Variants in NUMB observed in about 807,000 individuals in gnomAD.
NUMB encodes NUMB endocytic adaptor protein.
In NUMB, 29 loss-of-function variants were observed where a neutral mutation model predicts 59.7. That is an observed-to-expected ratio of 0.49 (90% CI 0.36 to 0.66). NUMB has a LOEUF of 0.66. Among genes scored for constraint, NUMB ranks in the 30% least tolerant of loss-of-function variants. The pLI, the probability that NUMB is intolerant of heterozygous loss-of-function variation, is 0.00. For synonymous variants in NUMB, 288 were observed against 288.2 expected, an observed-to-expected ratio of 1.00 and a Z score of 0.01; for missense variants, 723 against 822.0, an observed-to-expected ratio of 0.88 and a Z score of 1.47.
chr14:73,307,245 C>A (rs1890492055), intron 6 of NUMB, among the ~76,000 whole-genome samples: 1 of 151,074 alleles, frequency 6.6e-6, no homozygotes, highest in South Asian at 2.1e-4. Flanking sequence ...GGAGGCGGAG[C>A]TTGCAGTGAG....
At chr14:73,278,058 A>AAC (rs1490598263) in intron 12 of NUMB, among the ~76,000 whole-genome samples, 26 of 150,570 alleles carry the variant, frequency 1.7e-4, no homozygotes, top group Admixed American at 4.6e-4. Context: ...AAAAAAAAAA[A>AAC]AAAAAAAAAA....
At chr14:73,356,944 C>T (rs971300673) in intron 3 of NUMB, 6 of 381,110 alleles carry the variant, frequency 1.6e-5, no homozygotes, top group African/African-American at 4.4e-5. Context: ...GCAATCCTCC[C>T]GCCTTGGCCT....
chr14:73,325,230 A>T (rs1891599806), intron 4 of NUMB, among the ~76,000 whole-genome samples: 1 of 152,104 alleles, frequency 6.6e-6, no homozygotes, highest in African/African-American at 2.4e-5. Flanking sequence ...CACTTTGGGA[A>T]GCCAAGGTAA....
At chr14:73,338,315 GTTAAC>G (rs1008831417) in intron 4 of NUMB, among the ~76,000 whole-genome samples, 11 of 151,744 alleles carry the variant, frequency 7.2e-5, no homozygotes, top group Non-Finnish European at 1.0e-4. Context: ...AAAAAAAAAA[GTTAAC>G]TTATCGTTCT....
chr14:73,436,116 C>T (rs988972819), intron 1 of NUMB, among the ~76,000 whole-genome samples: 6 of 151,970 alleles, frequency 3.9e-5, no homozygotes, highest in African/African-American at 7.3e-5. Flanking sequence ...CTGTTGTCTA[C>T]AATAATGATG....
At chr14:73,321,529 T>C (rs1891405504) in intron 5 of NUMB, among the ~76,000 whole-genome samples, 1 of 152,204 alleles carries the variant, frequency 6.6e-6, no homozygotes, top group Non-Finnish European at 1.5e-5. Context: ...ATTATTATTC[T>C]AGATAAACCC....
intron 5 of NUMB, among the ~76,000 whole-genome samples, chr14:73,318,320 TAA>T (rs1221646626): frequency 6.6e-6 from 1 of 152,222 alleles, no homozygotes; most frequent in Non-Finnish European, 1.5e-5. Context: ...GCAAAATGCA[TAA>T]AAAGACAGTT....
chr14:73,340,280 G>T (rs1160469495), intron 4 of NUMB, among the ~76,000 whole-genome samples: 1 of 152,168 alleles, frequency 6.6e-6, no homozygotes, highest in Non-Finnish European at 1.5e-5. Flanking sequence ...CAGTAGCCCA[G>T]TGACCTCATG....
At chr14:73,332,124 T>C (rs1048557686) in intron 4 of NUMB, among the ~76,000 whole-genome samples, 5 of 152,202 alleles carry the variant, frequency 3.3e-5, no homozygotes, top group Non-Finnish European at 7.3e-5. Context: ...CTCTATTTCA[T>C]GGATTGTAAA....
chr14:73,374,632 T>C (rs780697022), intron 2 of NUMB, among the ~76,000 whole-genome samples: 1 of 152,050 alleles, frequency 6.6e-6, no homozygotes, highest in Non-Finnish European at 1.5e-5. Context: ...CTAATTATTA[T>C]AGTGGGAGAT....
chr14:73,398,935 A>T (rs1415677962), intron 2 of NUMB, among the ~76,000 whole-genome samples: 1 of 152,208 alleles, frequency 6.6e-6, no homozygotes, highest in African/African-American at 2.4e-5. Flanking sequence ...ATGCATAAGG[A>T]TGTACACAGC....
At chr14:73,445,381 A>ACAAAAAAC (rs1566800966) in intron 1 of NUMB, among the ~76,000 whole-genome samples, 5 of 129,848 alleles carry the variant, frequency 3.9e-5, no homozygotes, top group South Asian at 5.0e-4. Flanking sequence ...AAAAAAAAAA[A>ACAAAAAAC]AAAAAAAAAA....
chr14:73,283,969 GA>G, intron 10 of NUMB, 111 bp downstream of exon 10: 2 of 1,010,982 alleles, frequency 2.0e-6, no homozygotes, highest in South Asian at 3.1e-5. Flanking sequence ...AACTATCAAC[GA>G]ACCTCAGGGA....
intron 1 of NUMB, among the ~76,000 whole-genome samples, chr14:73,419,943 G>C (rs1897290030): frequency 6.6e-6 from 1 of 152,174 alleles, no homozygotes; most frequent in South Asian, 2.1e-4. Flanking sequence ...TTGGCTCATT[G>C]CAACCTCTGC....
intron 8 of NUMB, 68 bp downstream of exon 8, chr14:73,292,666 G>A: frequency 6.5e-7 from 1 of 1,549,406 alleles, no homozygotes. Flanking sequence ...CCGCTTGGCT[G>A]AGCAAACCCA....
rs140436984 is a variant in NUMB at position 73,364,338 on chromosome 14, T to C, written c.-16+2559A>G. ...GGCCAACATGGTGAAACCCCATCTC[T>C]ACTAAAAGTACAAAAATTAGCCAGG... On this transcript the variant is annotated intron_variant, in intron 3 of 12. Coordinates refer to ENST00000555238, the MANE Select transcript of NUMB (RefSeq NM_001005743.2). 3.2e-3 allele frequency among the ~76,000 whole-genome samples: 487 copies of C among 151,928 alleles called. 2 individuals are homozygous for C. The highest frequency in any genetic ancestry group is 9.1e-3 in the African/African-American group (377 of 41,442).
intron 1 of NUMB, among the ~76,000 whole-genome samples, chr14:73,433,686 C>A (rs1256472648): frequency 6.6e-6 from 1 of 152,128 alleles, no homozygotes; most frequent in Admixed American, 6.5e-5. Context: ...AGTTTGTCCA[C>A]GGTCTGTTAA....
At position 73,314,566 on chromosome 14, in the gene NUMB, G is replaced by A. The variant is rs942085101; in HGVS notation, c.234+1824C>T. The stretch of plus-strand genomic sequence containing the variant: ...CTGTGACCTCAGGATTGATTTTGAG[G>A]GAAGAGCTTTGTTCCTTAACCCACT... On this transcript the variant is annotated intron_variant, in intron 6 of 12. Transcript: ENST00000555238. 3.3e-5 allele frequency among the ~76,000 whole-genome samples: 5 copies of A among 152,164 alleles called. No homozygotes were observed. In the East Asian group the frequency reaches 9.7e-4, roughly 29 times the overall value.
chr14:73,352,445 C>CACACACAT (rs1893358766), intron 4 of NUMB, among the ~76,000 whole-genome samples: 1 of 47,542 alleles, frequency 2.1e-5, no homozygotes, highest in African/African-American at 1.0e-4. Context: ...CACACACACA[C>CACACACAT]ACACACACAC....
Sources: allele counts gnomAD v4.1 joint callset (sites outside exome capture counted in the v4.1 genomes callset), GRCh38; gene constraint gnomAD v4.1.1; transcripts MANE v1.5; gene names NCBI Gene and HGNC (gene_info 2026-07-23, HGNC 2026-07-21).